Variants in HTT observed in about 807,000 individuals in gnomAD.
HTT encodes the protein huntington disease protein.
In HTT, 104 loss-of-function variants were observed where a neutral mutation model predicts 362.3. That is an observed-to-expected ratio of 0.29 (90% CI 0.24 to 0.34). HTT has a LOEUF of 0.34. HTT is among the 10% of genes least tolerant of loss of function. The pLI is 1.00. For missense variants in HTT, 3,301 were observed against 3,928.6 expected, an observed-to-expected ratio of 0.84 and a Z score of 4.27; for synonymous variants, 1,577 against 1,548.7, an observed-to-expected ratio of 1.02 and a Z score of -0.43.
rs1331753896 is a variant in HTT at position 3,235,592 on chromosome 4, G to A, written c.8599G>A (p.Glu2867Lys). 1.9e-6 allele frequency: 3 copies of A among 1,613,900 alleles called. No homozygotes were observed. Among genetic ancestry groups the A allele is most frequent in the Non-Finnish European group, 2.5e-6 (3 of 1,179,990 alleles). Residue 2867 changes from glutamate to lysine, a missense_variant, in exon 63 of 67, where the codon GAG becomes AAG. By Grantham distance (56) the Glu-to-Lys change is moderately conservative. This residue lies in a region of HTT where 753 missense variants were observed against 1,021.3 expected (regional missense o/e 0.74). Transcript: ENST00000355072. ...QMCGVMLSGS[E>K]ESTPSIIYHC... ...GTGTGGGGTGATGCTGTCTGGAAGTGAGGAGTCCACCCCCTCCATCATTTA... is the reference window on the plus strand; with the variant it reads ...GTGTGGGGTGATGCTGTCTGGAAGTAAGGAGTCCACCCCCTCCATCATTTA...
intron 12 of HTT, 94 bp downstream of exon 12, chr4:3,127,698 T>A: frequency 2.2e-6 from 2 of 897,230 alleles, no homozygotes. Context: ...GCACAGGGGC[T>A]CATGCCTGTA....
At chr4:3,209,746 C>T (rs1720056250) in intron 46 of HTT, 81 bp from the exon 47 acceptor site, 2 of 1,564,740 alleles carry the variant, frequency 1.3e-6, no homozygotes, top group South Asian at 1.1e-5. Context: ...CAAGCACTGG[C>T]CTAGGCCTGT....
chr4:3,225,544 C>A, intron 56 of HTT, 117 bp from the exon 57 acceptor site: 1 of 782,794 alleles, frequency 1.3e-6, no homozygotes. Flanking sequence ...CCAGTGGCGG[C>A]GAGGGCAGGT....
chr4:3,182,722 C>T (rs1718584278), intron 37 of HTT, among the ~76,000 whole-genome samples: 1 of 152,176 alleles, frequency 6.6e-6, no homozygotes, highest in South Asian at 2.1e-4. Flanking sequence ...CAGCACACAG[C>T]TTTAGAGTGC....
At chr4:3,120,464 C>G (rs1199629559) in intron 8 of HTT, among the ~76,000 whole-genome samples, 3 of 152,110 alleles carry the variant, frequency 2.0e-5, no homozygotes, top group African/African-American at 7.2e-5. Context: ...TCCATGGGTC[C>G]CCAACCCCCA....
In HTT at chr4:3,154,376, A is replaced by G. The variant is rs370598749; in HGVS notation, c.3582A>G (p.Ala1194=). The change falls in exon 27 of 67, where the codon GCA becomes GCG. Residue 1194 remains alanine (A), a synonymous_variant. Coordinates refer to ENST00000355072, the MANE Select transcript of HTT (RefSeq NM_001388492.1). ...KGKEKEPGEQ[A]SVPLSPKKGS... ...AGGAGAAAGAACCAGGAGAACAAGC[A>G]TCTGTACCGTTGAGTCCCAAGAAAG... The G allele has an allele frequency of 1.2e-6, 2 of 1,613,920 alleles. No homozygotes were observed. The highest frequency in any genetic ancestry group is 1.3e-5 in the African/African-American group (1 of 74,930).
Position 3,238,872 on chromosome 4 carries a change from A to G in HTT, c.9109A>G (p.Met3037Val). ...GTCGTCCATGGTCCGGGACTGGGTC[A>G]TGCTGTCCCTCTCCAACTTCACGCA... ...GQSSMVRDWV[M>V]LSLSNFTQRA... The change falls in exon 66 of 67, where the codon ATG (methionine) becomes GTG (valine). Residue 3037 changes from methionine to valine, a missense_variant. This residue lies in a region of HTT where 753 missense variants were observed against 1,021.3 expected (regional missense o/e 0.74). Transcript: ENST00000355072. 6.2e-7 allele frequency: 1 copy of G among 1,612,838 alleles called. No homozygotes were observed. The highest frequency in any genetic ancestry group is 8.5e-7 in the Non-Finnish European group (1 of 1,179,916).
intron 2 of HTT, among the ~76,000 whole-genome samples, chr4:3,093,389 A>C (rs1269375360): frequency 1.3e-5 from 2 of 152,230 alleles, no homozygotes; most frequent in Non-Finnish European, 2.9e-5. Context: ...ATTGTTCGCA[A>C]CAAAAATAAT....
intron 53 of HTT, among the ~76,000 whole-genome samples, chr4:3,220,710 C>G (rs2110285786): frequency 6.6e-6 from 1 of 152,200 alleles, no homozygotes; most frequent in Middle Eastern, 3.4e-3. Flanking sequence ...CATATGGGAA[C>G]AAGCAGACGG....
rs757148417 is a variant in HTT, at chr4:3,207,332, C to G, written c.6127C>G (p.Leu2043Val). The change falls in exon 45 of 67, where the codon CTT (leucine) becomes GTT (valine). Residue 2043 changes from leucine to valine, a missense_variant. Physicochemically the swap from Leu to Val is conservative, Grantham distance 32. Coordinates refer to ENST00000355072, the MANE Select transcript of HTT (RefSeq NM_001388492.1). ...MEELNRIQEY[L>V]QSSGLAQRHQ... ...AGAACTCAACAGAATCCAGGAATAC[C>G]TTCAGAGCAGCGGGCTCGCTCAGAG... is the stretch of plus-strand genomic sequence containing the variant. 1 of 1,613,686 alleles carries G rather than the reference C, an allele frequency of 6.2e-7. No individual in the cohort carries two copies. Among genetic ancestry groups the G allele is most frequent in the Admixed American group, 1.7e-5 (1 of 59,954 alleles).
intron 52 of HTT, among the ~76,000 whole-genome samples, chr4:3,219,502 C>T (rs757672300): frequency 1.3e-5 from 2 of 152,046 alleles, no homozygotes; most frequent in Admixed American, 1.3e-4. Flanking sequence ...GGAGCATAAC[C>T]GATTTAAAGA....
In HTT at chr4:3,242,377, G is replaced by T. The variant is rs955747214; in HGVS notation, c.*2318G>T. On this transcript the variant is annotated 3_prime_UTR_variant, in exon 67 of 67. Coordinates refer to ENST00000355072, the MANE Select transcript of HTT (RefSeq NM_001388492.1). Reference sequence around the variant, plus strand: ...CATTAGTAAAAATGACTTCACCCACGCATATACATAAAGTATCCATGCATG... The same window carrying T: ...CATTAGTAAAAATGACTTCACCCACTCATATACATAAAGTATCCATGCATG... 1 of 152,062 alleles carries T rather than the reference G, an allele frequency of 6.6e-6. No homozygotes were observed. The highest frequency in any genetic ancestry group is 1.5e-5 in the Non-Finnish European group (1 of 68,028). The allele number at this position is 152,062 out of a possible 1,614,324, so 9.4% of individuals were successfully genotyped here.
intron 29 of HTT, among the ~76,000 whole-genome samples, chr4:3,163,268 GA>G (rs2110221075): frequency 6.6e-6 from 1 of 152,328 alleles, no homozygotes; most frequent in East Asian, 1.9e-4. Context: ...GCATTCCAGG[GA>G]TGAAGCTGAC....
At chr4:3,102,130 ACAGGTGGGAGGGAGTC>A (rs1317338310) in intron 3 of HTT, among the ~76,000 whole-genome samples, 2 of 152,108 alleles carry the variant, frequency 1.3e-5, no homozygotes, top group South Asian at 2.1e-4. Flanking sequence ...GTAGAGGAGG[ACAGGTGGGAGGGAGTC>A]CAGGTGGGAG....
rs115759169 is a variant in HTT, at chr4:3,221,667, A to G, written c.7370-720A>G. Among the ~76,000 whole-genome samples, 373 of 152,244 alleles carry G rather than the reference A, an allele frequency of 2.5e-3. 1 individual carries two copies. Among genetic ancestry groups the G allele is most frequent in the African/African-American group, 8.6e-3 (356 of 41,538 alleles). On this transcript the variant is annotated intron_variant, in intron 53 of 66. Coordinates refer to ENST00000355072, the MANE Select transcript of HTT (RefSeq NM_001388492.1). Reference sequence around the variant, plus strand: ...ATCCCGTCTCTCTGGCCTTACCACAAGTGGCGTGGCTGCCTCAGACATCAT... The same window carrying G: ...ATCCCGTCTCTCTGGCCTTACCACAGGTGGCGTGGCTGCCTCAGACATCAT...
intron 10 of HTT, among the ~76,000 whole-genome samples, chr4:3,125,001 T>A (rs1433787473): frequency 6.6e-6 from 1 of 152,324 alleles, no homozygotes; most frequent in East Asian, 1.9e-4. Flanking sequence ...AACAATAAAA[T>A]GTATTTTTAG....
Position 3,228,875 on chromosome 4 carries a change from C to T in HTT, c.7980-5C>T. On this transcript the variant is annotated splice_polypyrimidine_tract_variant and splice_region_variant and intron_variant, in intron 58 of 66. Coordinates refer to ENST00000355072, the MANE Select transcript of HTT (RefSeq NM_001388492.1). The surrounding 1 kb of genome is among the most constrained non-coding windows in gnomAD (Gnocchi z 4.3). ...TGGAAAATACCCATCTCGCATATTCCACAGGAAACACCGGGCTGGAGTTGA... is the reference window on the plus strand; with the variant it reads ...TGGAAAATACCCATCTCGCATATTCTACAGGAAACACCGGGCTGGAGTTGA... 6.2e-7 allele frequency: 1 copy of T among 1,611,864 alleles called. No individual in the cohort carries two copies. The highest frequency in any genetic ancestry group is 8.5e-7 in the Non-Finnish European group (1 of 1,178,186).
At chr4:3,158,755 TC>T (rs1717291714) in intron 28 of HTT, among the ~76,000 whole-genome samples, 1 of 152,040 alleles carries the variant, frequency 6.6e-6, no homozygotes, top group South Asian at 2.1e-4. Context: ...GTTTGAGGTC[TC>T]TTTAAGCTGC....
intron 36 of HTT, among the ~76,000 whole-genome samples, chr4:3,181,792 T>C (rs1381461682): frequency 6.6e-6 from 1 of 151,856 alleles, no homozygotes; most frequent in Admixed American, 6.6e-5. Flanking sequence ...GCTGCTTGGG[T>C]GGGTGGGTGT....
Sources: gnomAD v4.1 joint callset for allele counts (sites outside exome capture counted in the v4.1 genomes callset) on GRCh38, gnomAD v4.1.1 for gene constraint, gnomAD v4.1.1 regional missense constraint, Gnocchi (gnomAD v3.1) non-coding constraint, MANE v1.5 for transcripts, NCBI Gene and HGNC (gene_info 2026-07-23, HGNC 2026-07-21) for gene names.